RABEP1: variants seen among roughly 807,000 people sequenced by gnomAD.
RABEP1 encodes rabaptin, RAB GTPase binding effector protein 1.
RABEP1 carries 51 observed loss-of-function variants against 123.4 expected under a neutral mutation model. The ratio of observed to expected loss-of-function variants is 0.41; its 90% confidence interval spans 0.33 to 0.52. RABEP1 has a LOEUF of 0.52. Among genes scored for constraint, RABEP1 ranks in the 20% least tolerant of loss-of-function variants. The pLI is 0.16. For synonymous variants in RABEP1, 347 were observed against 355.2 expected (o/e 0.98, Z 0.26); for missense variants, 888 against 996.3 (o/e 0.89, Z 1.46).
intron 12 of RABEP1, among the ~76,000 whole-genome samples, chr17:5,368,932 C>G (rs1910308920): frequency 6.6e-6 from 1 of 151,968 alleles, no homozygotes; most frequent in South Asian, 2.1e-4. Flanking sequence ...CATGGTGAAA[C>G]CCCATCTGTA....
chr17:5,363,553 C>T (rs1597386557), intron 10 of RABEP1, among the ~76,000 whole-genome samples: 1 of 152,014 alleles, frequency 6.6e-6, no homozygotes, highest in East Asian at 1.9e-4. Flanking sequence ...CAGGTCTGCC[C>T]AACTCTTAAA....
intron 1 of RABEP1, among the ~76,000 whole-genome samples, chr17:5,296,910 T>C (rs554225401): frequency 6.6e-6 from 1 of 152,228 alleles, no homozygotes; most frequent in South Asian, 2.1e-4. Context: ...TGGCTAATTT[T>C]TTATTTTTTG....
chr17:5,343,368 AC>A lies in RABEP1; in HGVS notation c.649-3421del. ...TAGGAGTTCAAGACCAGCCAGCACAACATAGTGAAACTCTTTCTTTACAAAA... is the reference window on the plus strand; with the variant it reads ...TAGGAGTTCAAGACCAGCCAGCACAAATAGTGAAACTCTTTCTTTACAAAA... On this transcript the variant is annotated intron_variant, in intron 5 of 17. Transcript: ENST00000537505. 2.0e-5 allele frequency among the ~76,000 whole-genome samples: 3 copies of A among 152,322 alleles called. No individual in the cohort carries two copies. In the South Asian group the frequency reaches 6.2e-4, roughly 32 times the overall value.
At chr17:5,319,617 C>T (rs1382402816) in intron 2 of RABEP1, among the ~76,000 whole-genome samples, 1 of 152,022 alleles carries the variant, frequency 6.6e-6, no homozygotes, top group African/African-American at 2.4e-5. Context: ...CCTGCCTTGG[C>T]CTCCCAAAGT....
At position 5,308,840 on chromosome 17, in the gene RABEP1, G is replaced by C. The variant is rs367642666; in HGVS notation, c.163+18G>C. The C allele has an allele frequency of 1.3e-6, 2 of 1,577,752 alleles. No homozygotes were observed. The highest frequency in any genetic ancestry group is 1.8e-5 in the Admixed American group (1 of 54,218). On this transcript the variant is annotated intron_variant, in intron 2 of 17. Coordinates refer to ENST00000537505, the MANE Select transcript of RABEP1 (RefSeq NM_004703.6). ...TAAAGAGGGTAAGTTCATAAGTCTC[G>C]CACCAACTTCAATGCGAAAACTGCC...
chr17:5,386,153 G>GTT lies in RABEP1; in HGVS notation c.*2930_*2931insTT. ...ATAATTCTACCTGTTTTACAATATG[G>GTT]GTTTAAGCCTTCAATGGTGTTCAGT... is the stretch of plus-strand genomic sequence containing the variant. On this transcript the variant is annotated 3_prime_UTR_variant, in exon 18 of 18. Coordinates refer to ENST00000537505, the MANE Select transcript of RABEP1 (RefSeq NM_004703.6). 1.5e-6 allele frequency: 2 copies of GTT among 1,350,546 alleles called. No individual in the cohort carries two copies. Among genetic ancestry groups the GTT allele is most frequent in the South Asian group, 2.5e-5 (2 of 79,118 alleles). 83.7% of individuals were successfully genotyped at this position (1,350,546 alleles called of 1,614,324 possible).
chr17:5,346,566 T>C (rs1012389105), intron 5 of RABEP1, among the ~76,000 whole-genome samples: 1 of 152,244 alleles, frequency 6.6e-6, no homozygotes, highest in Non-Finnish European at 1.5e-5. Flanking sequence ...AAATCTCAAT[T>C]GTATATTTTA....
intron 1 of RABEP1, among the ~76,000 whole-genome samples, chr17:5,302,935 A>G (rs1362882447): frequency 1.3e-5 from 2 of 152,218 alleles, no homozygotes; most frequent in African/African-American, 4.8e-5. Flanking sequence ...TAAGACCATT[A>G]AATTATGAAT....
intron 1 of RABEP1, among the ~76,000 whole-genome samples, chr17:5,303,803 C>T (rs1466578294): frequency 4.6e-5 from 7 of 152,116 alleles, no homozygotes; most frequent in East Asian, 1.9e-4. Context: ...GAGGCCAAGG[C>T]GGGCAGATCA....
chr17:5,328,734 CG>C (rs1906218766), intron 2 of RABEP1, among the ~76,000 whole-genome samples: 1 of 148,446 alleles, frequency 6.7e-6, no homozygotes, highest in Middle Eastern at 3.4e-3. Flanking sequence ...AGGTGGATCA[CG>C]AGGTCAGGAG....
Position 5,282,404 on chromosome 17 carries a change from GCCT to G in RABEP1, c.-77_-75del. 8.9e-7 allele frequency: 1 copy of G among 1,123,922 alleles called. No homozygotes were observed. Among genetic ancestry groups the G allele is most frequent in the South Asian group, 2.1e-5 (1 of 46,904 alleles). The allele number at this position is 1,123,922 out of a possible 1,614,324, so 69.6% of individuals were successfully genotyped here. A position where few individuals can be genotyped will look rare whatever the true frequency, so the allele number is the denominator to read the frequency against. Reference sequence around the variant, plus strand: ...CGGCGGCGGCGGCGGCTCGGTTGACGCCTCCTCCGCCAGCTGAGCCCGCGGGAG... The same window carrying G: ...CGGCGGCGGCGGCGGCTCGGTTGACGCCTCCGCCAGCTGAGCCCGCGGGAG... On this transcript the variant is annotated 5_prime_UTR_variant, in exon 1 of 18. Transcript: ENST00000537505.
intron 13 of RABEP1, among the ~76,000 whole-genome samples, chr17:5,376,718 CACTTGCTACTGAGTGTGA>C (rs1242957561): frequency 3.3e-5 from 5 of 152,194 alleles, no homozygotes; most frequent in Non-Finnish European, 7.3e-5. Flanking sequence ...TCTTAGTTCA[CACTTGCTACTGAGTGTGA>C]ACTTGCTACT....
chr17:5,306,463 A>C (rs1440278261), intron 1 of RABEP1, among the ~76,000 whole-genome samples: 1 of 152,114 alleles, frequency 6.6e-6, no homozygotes, highest in Non-Finnish European at 1.5e-5. Context: ...CCCTGTCTCT[A>C]CTAAAAATAC....
chr17:5,331,850 G>T (rs1474042043), intron 2 of RABEP1, 99 bp from the exon 3 acceptor site: 5 of 1,063,648 alleles, frequency 4.7e-6, no homozygotes, highest in South Asian at 1.6e-5. Flanking sequence ...GTGTCATTTT[G>T]TATGTTTATA....
chr17:5,314,234 CTTTTTTTTTTTTTTTT>C (rs71151864), intron 2 of RABEP1, among the ~76,000 whole-genome samples: 1 of 55,560 alleles, frequency 1.8e-5, no homozygotes, highest in African/African-American at 6.9e-5. Context: ...AGTACCTATT[CTTTTTTTTTTTTTTTT>C]TTTTTTTTTT....
intron 14 of RABEP1, 36 bp from the exon 15 acceptor site, chr17:5,378,141 G>A (rs1911152585): frequency 6.8e-7 from 1 of 1,481,114 alleles, no homozygotes; most frequent in Non-Finnish European, 9.4e-7. Flanking sequence ...CACAATAATA[G>A]ATGAATGCTA....
intron 2 of RABEP1, among the ~76,000 whole-genome samples, chr17:5,325,186 A>G (rs1200176685): frequency 6.6e-6 from 1 of 151,934 alleles, no homozygotes; most frequent in East Asian, 1.9e-4. Flanking sequence ...AAACCCAAAA[A>G]TTATCTAGGC....
chr17:5,314,867 G>C (rs1370458236), intron 2 of RABEP1, among the ~76,000 whole-genome samples: 3 of 152,108 alleles, frequency 2.0e-5, no homozygotes, highest in East Asian at 1.9e-4. Context: ...TTCTGATTCA[G>C]CTTTTCCTAA....
At chr17:5,294,104 C>T (rs990593454) in intron 1 of RABEP1, among the ~76,000 whole-genome samples, 6 of 152,104 alleles carry the variant, frequency 3.9e-5, no homozygotes, top group Admixed American at 6.6e-5. Context: ...TCTGTATCTG[C>T]GGGGTCCACT....
Sources: allele counts gnomAD v4.1 joint callset (sites outside exome capture counted in the v4.1 genomes callset), GRCh38; gene constraint gnomAD v4.1.1; transcripts MANE v1.5; gene names NCBI Gene and HGNC (gene_info 2026-07-23, HGNC 2026-07-21).